GALNT3: variants seen among roughly 807,000 people sequenced by gnomAD.
GALNT3 encodes polypeptide N-acetylgalactosaminyltransferase 3, also known as GalNAc transferase 3.
GALNT3 carries 51 observed loss-of-function variants against 69.8 expected under a neutral mutation model. The ratio of observed to expected loss-of-function variants is 0.73; its 90% CI spans 0.58 to 0.92. The LOEUF is 0.92. GALNT3 is among the 40% of genes least tolerant of loss of function. The pLI is 0.00. For missense variants in GALNT3, 711 were observed against 760.0 expected, an observed-to-expected ratio of 0.94 and a Z score of 0.76; for synonymous variants, 265 against 248.5, an observed-to-expected ratio of 1.07 and a Z score of -0.63.
intron 1 of GALNT3, among the ~76,000 whole-genome samples, chr2:165,786,573 G>C (rs1173036161): frequency 6.6e-6 from 1 of 152,106 alleles, no homozygotes; most frequent in South Asian, 2.1e-4. Context: ...TGTAAATATT[G>C]TGTAAATAGT....
intron 1 of GALNT3, among the ~76,000 whole-genome samples, chr2:165,774,659 G>A (rs532530321): frequency 6.6e-6 from 1 of 152,250 alleles, no homozygotes; most frequent in South Asian, 2.1e-4. Context: ...AAGCTCATGA[G>A]AGACATGGAT....
At chr2:165,754,482 T>A in intron 9 of GALNT3, 145 bp downstream of exon 9, 1 of 555,246 alleles carries the variant, frequency 1.8e-6, no homozygotes, top group Non-Finnish European at 3.4e-6. Flanking sequence ...TACTCATCAA[T>A]ATCAATTGCC....
At chr2:165,771,582 G>T (rs191334106) in intron 1 of GALNT3, 2 of 152,058 alleles carry the variant, frequency 1.3e-5, no homozygotes, top group African/African-American at 4.8e-5. Flanking sequence ...TTGACCCTAA[G>T]AACAGGACAG....
At chr2:165,759,302 T>C in intron 5 of GALNT3, 34 bp downstream of exon 5, 2 of 1,513,028 alleles carry the variant, frequency 1.3e-6, no homozygotes, top group East Asian at 4.6e-5. Context: ...TGGTATAGGG[T>C]GTAAATATAA....
Position 165,759,457 on chromosome 2 carries a change from T to C in GALNT3, c.952A>G (p.Lys318Glu). 1 of 1,614,046 alleles carries C rather than the reference T, an allele frequency of 6.2e-7. No individual in the cohort carries two copies. The highest frequency in any genetic ancestry group is 8.5e-7 in the Non-Finnish European group (1 of 1,179,974). The change falls in exon 5 of 11, where the codon AAA (lysine) becomes GAA (glutamate). Residue 318 changes from lysine (K) to glutamate (E), a missense_variant. Coordinates refer to ENST00000392701, the MANE Select transcript of GALNT3 (RefSeq NM_004482.4). ...SIDLNTFEFN[K>E]PSPYGSNHNR... ...TGGTTACTTCCATAAGGAGAAGGTT[T>C]GTTGAATTCAAACGTGTTCAGATCT...
intron 4 of GALNT3, among the ~76,000 whole-genome samples, chr2:165,759,958 G>A (rs555727773): frequency 2.6e-5 from 4 of 152,134 alleles, no homozygotes; most frequent in African/African-American, 9.6e-5. Flanking sequence ...CAGAAGGGGA[G>A]ATTTTTTAAA....
Position 165,749,790 on chromosome 2 carries a change from T to G in GALNT3, c.1731A>C (p.Lys577Asn), listed in dbSNP as rs1275028884. The change falls in exon 10 of 11, where the codon AAA becomes AAC. Residue 577 changes from lysine to asparagine, a missense_variant. Physicochemically the swap from Lys to Asn is moderately conservative, Grantham distance 94. Transcript: ENST00000392701. ...CTCCAGTGACAACTGTCTTGTGACC[T>G]TTGTAGGTACATGCCTTCAGCTGAA... The part of the protein sequence containing the change: ...GLVQLKACTY[K>N]GHKTVVTGEQ... 1 of 1,613,484 alleles carries G rather than the reference T, an allele frequency of 6.2e-7. No homozygotes were observed. The highest frequency in any genetic ancestry group is 1.3e-5 in the African/African-American group (1 of 74,880).
chr2:165,774,269 T>A (rs1461447407), intron 1 of GALNT3, among the ~76,000 whole-genome samples: 1 of 152,204 alleles, frequency 6.6e-6, no homozygotes, highest in Non-Finnish European at 1.5e-5. Flanking sequence ...AGTCAATTTT[T>A]CTGCAGCTAG....
At chr2:165,755,573 T>C (rs1319649825) in intron 7 of GALNT3, among the ~76,000 whole-genome samples, 1 of 152,224 alleles carries the variant, frequency 6.6e-6, no homozygotes, top group East Asian at 1.9e-4. Flanking sequence ...GGATGTTGCT[T>C]GTTCTTAACA....
At chr2:165,751,600 G>T in intron 9 of GALNT3, among the ~76,000 whole-genome samples, 1 of 152,052 alleles carries the variant, frequency 6.6e-6, no homozygotes, top group Non-Finnish European at 1.5e-5. Flanking sequence ...TAACAAAAAA[G>T]AGCACATAAT....
At chr2:165,783,721 A>T (rs1037016931) in intron 1 of GALNT3, among the ~76,000 whole-genome samples, 18 of 152,144 alleles carry the variant, frequency 1.2e-4, no homozygotes, top group African/African-American at 4.3e-4. Flanking sequence ...TAGTGGATCA[A>T]ATTTGGTCTA....
chr2:165,757,238 A>G lies in GALNT3; in HGVS notation c.1201T>C (p.Cys401Arg), dbSNP rs1409490830. 3 of 1,613,636 alleles carry G rather than the reference A, an allele frequency of 1.9e-6. No homozygotes were observed. Among genetic ancestry groups the G allele is most frequent in the East Asian group, 2.2e-5 (1 of 44,882 alleles). ...NIEMSFRVWQ[C>R]GGQLEIMPCS... The stretch of plus-strand genomic sequence containing the variant: ...GGCATAATCTCCAACTGCCCACCAC[A>G]TTGCCATACCTGATAATTAATGATA... Residue 401 changes from cysteine (C) to arginine (R), a missense_variant, in exon 7 of 11, where the codon TGT becomes CGT. Physicochemically the swap from Cys to Arg is radical, Grantham distance 180. Coordinates refer to ENST00000392701, the MANE Select transcript of GALNT3 (RefSeq NM_004482.4).
In GALNT3 at chr2:165,781,163, T is replaced by G. The variant is rs1343025681; in HGVS notation, c.-108-10355A>C. Among the ~76,000 whole-genome samples the G allele has an allele frequency of 2.6e-5, 4 of 152,268 alleles. No individual in the cohort carries two copies. In the East Asian group the frequency reaches 7.7e-4, roughly 29 times the overall value. On this transcript the variant is annotated intron_variant, in intron 1 of 10. Coordinates refer to ENST00000392701, the MANE Select transcript of GALNT3 (RefSeq NM_004482.4). Reference sequence around the variant, plus strand: ...AGTTTGCTAGATCATAAAGCTGAAGTGGTAGCATAGCCTGTACTGCTGGGC... The same window carrying G: ...AGTTTGCTAGATCATAAAGCTGAAGGGGTAGCATAGCCTGTACTGCTGGGC...
Position 165,755,456 on chromosome 2 carries a change from T to C in GALNT3, c.1393-393A>G, listed in dbSNP as rs557322862. On this transcript the variant is annotated intron_variant, in intron 7 of 10. Transcript: ENST00000392701. ...AAAGTGAGGTGTCAGAAATCAGGTATAGACAAACAGTGCCAATACACAATG... is the reference window on the plus strand; with the variant it reads ...AAAGTGAGGTGTCAGAAATCAGGTACAGACAAACAGTGCCAATACACAATG... Among the ~76,000 whole-genome samples the C allele has an allele frequency of 4.1e-4, 62 of 152,288 alleles. 1 individual carries two copies. The East Asian group carries it at 0.011, about 28-fold the overall frequency.
rs755207746 is a variant in GALNT3 at position 165,770,331 on chromosome 2, A to G, written c.370T>C (p.Ser124Pro). ...PPQDSNAPGA[S>P]GKAFKTTNLS... The stretch of plus-strand genomic sequence containing the variant: ...TTGGTTGTCTTGAATGCTTTACCAG[A>G]AGCACCAGGTGCATTTGAATCCTGA... The change falls in exon 2 of 11, where the codon TCT becomes CCT. Residue 124 changes from serine (S) to proline (P), a missense_variant. Transcript: ENST00000392701. 1 of 1,614,158 alleles carries G rather than the reference A, an allele frequency of 6.2e-7. No homozygotes were observed. The highest frequency in any genetic ancestry group is 1.7e-5 in the Admixed American group (1 of 60,018).
intron 1 of GALNT3, among the ~76,000 whole-genome samples, chr2:165,774,000 T>C (rs79632405): frequency 1.3e-5 from 2 of 152,176 alleles, no homozygotes; most frequent in Non-Finnish European, 2.9e-5. Context: ...GTTGTAGTCA[T>C]GCCTTCAAGA....
chr2:165,762,278 C>CA (rs1273700300), intron 3 of GALNT3, among the ~76,000 whole-genome samples: 165 of 152,274 alleles, frequency 1.1e-3, no homozygotes, highest in Admixed American at 3.5e-3. Context: ...GTAATGCATA[C>CA]TTATTCTGTA....
chr2:165,770,064 A>T (rs1688720672), intron 2 of GALNT3, 122 bp downstream of exon 2: 1 of 1,078,408 alleles, frequency 9.3e-7, no homozygotes, highest in South Asian at 1.3e-5. Context: ...AGGTTAAATA[A>T]ACAGTATTTG....
At chr2:165,754,139 G>A (rs1688401579) in intron 9 of GALNT3, among the ~76,000 whole-genome samples, 1 of 150,996 alleles carries the variant, frequency 6.6e-6, no homozygotes, top group Non-Finnish European at 1.5e-5. Flanking sequence ...ACCCAGGCTG[G>A]ACCGCAATTG....
Sources: gnomAD v4.1 joint callset for allele counts (sites outside exome capture counted in the v4.1 genomes callset) on GRCh38, gnomAD v4.1.1 for gene constraint, MANE v1.5 for transcripts, NCBI Gene and HGNC (gene_info 2026-07-23, HGNC 2026-07-21) for gene names.